Variants in SCNN1D observed in about 807,000 individuals in gnomAD.
SCNN1D encodes the protein sodium channel epithelial 1 subunit delta, also known as epithelial sodium channel subunit delta.
In SCNN1D, 104 loss-of-function variants were observed where a neutral mutation model predicts 87.8. That is an observed-to-expected ratio of 1.18 (90% CI 1.01 to 1.39). The LOEUF (loss-of-function observed/expected upper bound fraction) is 1.39, where lower values mean the gene tolerates loss of function less well. Ranked by LOEUF, SCNN1D falls within the 40% of genes most tolerant of loss-of-function variation. The pLI is 0.00. For missense variants in SCNN1D, 1,324 were observed against 1,093.9 expected, an observed-to-expected ratio of 1.21 and a Z score of -2.97; for synonymous variants, 628 against 481.2, an observed-to-expected ratio of 1.31 and a Z score of -3.99.
At chr1:1,281,367 C>T (rs977718315) in intron 2 of SCNN1D, 44 bp from the exon 3 acceptor site, 7 of 1,531,418 alleles carry the variant, frequency 4.6e-6, no homozygotes, top group Non-Finnish European at 6.1e-6. Flanking sequence ...AGGCATGGGC[C>T]CAAAGGGAGC....
chr1:1,288,370 T>A (rs1323644580), intron 12 of SCNN1D, among the ~76,000 whole-genome samples: 1 of 42,752 alleles, frequency 2.3e-5, no homozygotes, highest in Non-Finnish European at 3.6e-5. Flanking sequence ...CTCCGTCCCG[T>A]GTCCCTGCTC....
At chr1:1,282,445 C>A in intron 4 of SCNN1D, 130 bp downstream of exon 4, 1 of 1,066,824 alleles carries the variant, frequency 9.4e-7, no homozygotes, top group Non-Finnish European at 1.3e-6. Flanking sequence ...CCTACCCTTC[C>A]AACCTGGGCC....
At chr1:1,281,139 G>A in intron 1 of SCNN1D, 87 bp from the exon 2 acceptor site, 1 of 1,252,748 alleles carries the variant, frequency 8.0e-7, no homozygotes, top group Non-Finnish European at 1.1e-6. Context: ...CTGAGTGGGG[G>A]ACGCTCACCC....
intron 5 of SCNN1D, among the ~76,000 whole-genome samples, chr1:1,284,681 G>A (rs1319294955): frequency 6.6e-6 from 1 of 152,044 alleles, no homozygotes; most frequent in Non-Finnish European, 1.5e-5. Flanking sequence ...GCGTGTGCTG[G>A]ACAGACCCCG....
intron 12 of SCNN1D, among the ~76,000 whole-genome samples, chr1:1,288,442 TGTCTCTGCTCCGTCC>T (rs1640679668): frequency 1.5e-5 from 1 of 67,420 alleles, no homozygotes; most frequent in Non-Finnish European, 2.6e-5. Context: ...CTCCGTCCCG[TGTCTCTGCTCCGTCC>T]CCCGTGTCTC....
At chr1:1,286,375 G>A (rs541948611) in intron 7 of SCNN1D, 97 bp downstream of exon 7, 18 of 1,011,814 alleles carry the variant, frequency 1.8e-5, no homozygotes, top group Non-Finnish European at 2.6e-5. Flanking sequence ...TGTAGCCGAG[G>A]AGGGGGCTCT....
rs998792456 is a variant in SCNN1D at position 1,281,498 on chromosome 1, G to C, written c.165G>C (p.Ala55=). 1 of 1,532,422 alleles carries C rather than the reference G, an allele frequency of 6.5e-7. No homozygotes were observed. Among genetic ancestry groups the C allele is most frequent in the Non-Finnish European group, 8.7e-7 (1 of 1,145,058 alleles). The allele number at this position is 1,532,422 out of a possible 1,614,324, so 94.9% of individuals were successfully genotyped here. A position where few individuals can be genotyped will look rare whatever the true frequency, so the allele number is the denominator to read the frequency against. Reference sequence around the variant, plus strand: ...ACCCCACCCCCTGCACCGGGCCAGCGAGGGGATGGCCCAGAAGAGGGGGAG... The same window carrying C: ...ACCCCACCCCCTGCACCGGGCCAGCCAGGGGATGGCCCAGAAGAGGGGGAG... The part of the protein sequence containing the change: ...SPHPTPCTGP[A]RGWPRRGGGP... The change falls in exon 3 of 18, where the codon GCG becomes GCC. Residue 55 remains alanine (A), a synonymous_variant. Coordinates refer to ENST00000379116, the MANE Select transcript of SCNN1D (RefSeq NM_001130413.4).
At chr1:1,284,809 C>T (rs747134197) in intron 5 of SCNN1D, among the ~76,000 whole-genome samples, 49 of 152,094 alleles carry the variant, frequency 3.2e-4, no homozygotes, top group Non-Finnish European at 6.0e-4. Context: ...CACACACACG[C>T]GCACATGCAG....
rs57513698 is a variant in SCNN1D, at chr1:1,281,090, A to G, written c.6-136A>G. On this transcript the variant is annotated intron_variant, in intron 1 of 17. Coordinates refer to ENST00000379116, the MANE Select transcript of SCNN1D (RefSeq NM_001130413.4). ...AATCCCGACCTTGGGCTGCCTGTCT[A>G]TTGCACCAGAACCGTCCCAGGGCTG... The G allele has an allele frequency of 5.7e-3, 4,728 of 827,524 alleles. 158 individuals carry two copies. In the African/African-American group the frequency reaches 0.07, roughly 12 times the overall value. The allele number at this position is 827,524 out of a possible 1,614,324, so 51.3% of individuals were successfully genotyped here.
At chr1:1,285,824 C>T in intron 6 of SCNN1D, 102 bp from the exon 7 acceptor site, 1 of 1,296,140 alleles carries the variant, frequency 7.7e-7, no homozygotes, top group Non-Finnish European at 1.1e-6. Flanking sequence ...AGCGACCGAG[C>T]AGGTAGGGCG....
intron 5 of SCNN1D, among the ~76,000 whole-genome samples, 198 bp from the exon 6 acceptor site, chr1:1,285,373 G>A (rs975851503): frequency 2.0e-5 from 3 of 152,184 alleles, no homozygotes; most frequent in Non-Finnish European, 4.4e-5. Context: ...GGGCCACCCC[G>A]AGCCACAGTG....
chr1:1,285,898 G>A (rs1216931966), intron 6 of SCNN1D, 28 bp from the exon 7 acceptor site: 1 of 1,523,034 alleles, frequency 6.6e-7, no homozygotes, highest in Non-Finnish European at 8.8e-7. Context: ...GTGCAGGCCG[G>A]GCCCTGCTGA....
chr1:1,288,250 CT>C (rs1640662082), intron 12 of SCNN1D, among the ~76,000 whole-genome samples: 2 of 131,124 alleles, frequency 1.5e-5, no homozygotes, highest in African/African-American at 3.0e-5. Flanking sequence ...CGTGTCTCTG[CT>C]CCGTCCCGTG....
intron 12 of SCNN1D, among the ~76,000 whole-genome samples, chr1:1,288,728 T>C (rs868293681): frequency 8.9e-4 from 10 of 11,284 alleles, no homozygotes; most frequent in Admixed American, 1.9e-3. Context: ...GTCCCGTGTC[T>C]CTGCTCCGTC....
intron 7 of SCNN1D, 128 bp downstream of exon 7, chr1:1,286,406 C>T: frequency 2.6e-6 from 2 of 779,952 alleles, no homozygotes; most frequent in Non-Finnish European, 2.0e-6. Context: ...TGCCACCCTC[C>T]TGGTCACTGT....
In SCNN1D at chr1:1,285,677, C is replaced by A; in HGVS notation, c.558+13C>A. 6.6e-7 allele frequency: 1 copy of A among 1,518,416 alleles called. No individual in the cohort carries two copies. 94.1% of individuals were successfully genotyped at this position (1,518,416 alleles called of 1,614,324 possible). ...CAAACAGGGCCAGGTAGGGCCTGAGCACCCTGTTCTCTGAGTCCTGCTGCC... is the reference window on the plus strand; with the variant it reads ...CAAACAGGGCCAGGTAGGGCCTGAGAACCCTGTTCTCTGAGTCCTGCTGCC... On this transcript the variant is annotated intron_variant, in intron 6 of 17. Coordinates refer to ENST00000379116, the MANE Select transcript of SCNN1D (RefSeq NM_001130413.4).
In SCNN1D at chr1:1,291,871, T is replaced by G; in HGVS notation, c.*261T>G. The stretch of plus-strand genomic sequence containing the variant: ...CTGGACGTGCCGACACGCGGTGATG[T>G]ACCCATGCTCCGTGTGTCTGTGTCT... On this transcript the variant is annotated 3_prime_UTR_variant, in exon 18 of 18. Transcript: ENST00000379116. 2 of 395,386 alleles carry G rather than the reference T, an allele frequency of 5.1e-6. No homozygotes were observed. The highest frequency in any genetic ancestry group is 4.5e-6 in the Non-Finnish European group (1 of 220,836). The allele number at this position is 395,386 out of a possible 1,614,324, so 24.5% of individuals were successfully genotyped here.
intron 7 of SCNN1D, 37 bp from the exon 8 acceptor site, chr1:1,286,731 G>A (rs368413062): frequency 2.6e-5 from 42 of 1,593,936 alleles, no homozygotes; most frequent in African/African-American, 5.4e-5. Flanking sequence ...GTGAGGCCCC[G>A]GGCCGGCAAC....
chr1:1,284,769 CAG>C (rs1260019067), intron 5 of SCNN1D, among the ~76,000 whole-genome samples: 2 of 152,094 alleles, frequency 1.3e-5, no homozygotes, highest in Non-Finnish European at 2.9e-5. Flanking sequence ...CAGATCCAGA[CAG>C]GGTGGAGAGG....
Sources: allele counts gnomAD v4.1 joint callset (sites outside exome capture counted in the v4.1 genomes callset), GRCh38; gene constraint gnomAD v4.1.1; transcripts MANE v1.5; gene names NCBI Gene and HGNC (gene_info 2026-07-23, HGNC 2026-07-21).